The following CLIP4 variants were observed in gnomAD, a reference collection of about 807,000 sequenced individuals.
CLIP4 encodes the protein CAP-Gly domain-containing linker protein 4.
Under a neutral mutation model 73.1 loss-of-function variants are expected in CLIP4, and 47 were observed. The ratio of observed to expected loss-of-function variants is 0.64; its 90% CI spans 0.51 to 0.82. The LOEUF (loss-of-function observed/expected upper bound fraction) is 0.82, where lower values mean the gene tolerates loss of function less well. Ranked by LOEUF, CLIP4 falls within the 40% of genes least tolerant of loss-of-function variation. The probability of loss-of-function intolerance (pLI) is 0.00; values close to 1 mark genes in which losing one functional copy is unlikely to be tolerated. For missense variants in CLIP4, 874 were observed against 852.9 expected, an observed-to-expected ratio of 1.02 and a Z score of -0.31; for synonymous variants, 306 against 295.4, an observed-to-expected ratio of 1.04 and a Z score of -0.37.
intron 9 of CLIP4, among the ~76,000 whole-genome samples, chr2:29,154,426 C>T (rs1666785807): frequency 6.6e-6 from 1 of 152,150 alleles, no homozygotes; most frequent in Non-Finnish European, 1.5e-5. Flanking sequence ...CACCCGAAAC[C>T]CCAAGGAAGG....
chr2:29,152,589 T>A (rs1666645868), intron 8 of CLIP4, 96 bp from the exon 9 acceptor site: 1 of 1,316,432 alleles, frequency 7.6e-7, no homozygotes, highest in African/African-American at 1.5e-5. Flanking sequence ...GCACTAAAGG[T>A]TTATATTAAA....
At chr2:29,173,480 G>A (rs1291411544) in intron 14 of CLIP4, among the ~76,000 whole-genome samples, 1 of 152,144 alleles carries the variant, frequency 6.6e-6, no homozygotes, top group Admixed American at 6.5e-5. Flanking sequence ...CTCCTGTGCA[G>A]CCAGTAAGGT....
chr2:29,177,088 T>C (rs1405913517), intron 15 of CLIP4, among the ~76,000 whole-genome samples: 1 of 152,134 alleles, frequency 6.6e-6, no homozygotes, highest in Non-Finnish European at 1.5e-5. Flanking sequence ...TTCTCTAAAC[T>C]GTATGCTTTT....
chr2:29,145,769 C>T (rs1191841320), intron 8 of CLIP4, among the ~76,000 whole-genome samples: 2 of 152,202 alleles, frequency 1.3e-5, no homozygotes, highest in Non-Finnish European at 2.9e-5. Flanking sequence ...GCAACCTCTG[C>T]CTCCCAGGTT....
chr2:29,098,764 C>T (rs1667952138), intron 1 of CLIP4, among the ~76,000 whole-genome samples: 1 of 152,176 alleles, frequency 6.6e-6, no homozygotes, highest in Non-Finnish European at 1.5e-5. Context: ...TAAGACTATG[C>T]TTAGCTTTGT....
Position 29,133,649 on chromosome 2 carries a change from C to T in CLIP4, c.368-6C>T. 6.3e-7 allele frequency: 1 copy of T among 1,598,222 alleles called. No homozygotes were observed. Among genetic ancestry groups the T allele is most frequent in the Non-Finnish European group, 8.5e-7 (1 of 1,175,442 alleles). On this transcript the variant is annotated splice_polypyrimidine_tract_variant and splice_region_variant and intron_variant, in intron 4 of 15. Coordinates refer to ENST00000320081, the MANE Select transcript of CLIP4 (RefSeq NM_024692.6). The stretch of plus-strand genomic sequence containing the variant: ...AAAGGAAAGTAATTTAGAAAATCTT[C>T]TTTAGGTGATGTGGAAACAGCTGTA...
At chr2:29,156,937 A>C (rs1212643529) in intron 10 of CLIP4, among the ~76,000 whole-genome samples, 1 of 152,222 alleles carries the variant, frequency 6.6e-6, no homozygotes, top group African/African-American at 2.4e-5. Flanking sequence ...TTAGGTAGTC[A>C]GTTCACATCA....
At chr2:29,116,275 A>G (rs1455124593) in intron 1 of CLIP4, among the ~76,000 whole-genome samples, 1 of 152,174 alleles carries the variant, frequency 6.6e-6, no homozygotes, top group Non-Finnish European at 1.5e-5. Flanking sequence ...GCTTTGAATT[A>G]GATGTCAGGC....
intron 7 of CLIP4, among the ~76,000 whole-genome samples, chr2:29,144,600 G>A (rs1302071002): frequency 2.6e-5 from 4 of 151,444 alleles, no homozygotes; most frequent in Middle Eastern, 3.2e-3. Context: ...GGTTTGTTAC[G>A]TAGGCATACG....
At chr2:29,139,778 A>G (rs886800305) in intron 6 of CLIP4, among the ~76,000 whole-genome samples, 2 of 152,034 alleles carry the variant, frequency 1.3e-5, no homozygotes, top group Admixed American at 6.5e-5. Flanking sequence ...GTTTATGTGA[A>G]TAGAGGTATT....
rs757819996 is a variant in CLIP4 at position 29,163,819 on chromosome 2, T to C, written c.1535-12T>C. On this transcript the variant is annotated splice_polypyrimidine_tract_variant and intron_variant, in intron 12 of 15. Coordinates refer to ENST00000320081, the MANE Select transcript of CLIP4 (RefSeq NM_024692.6). ...GTACAGATGCTTTTGAAATGCAATA[T>C]TCATGTTCTAGGATATTGGTATGGT... 3 of 1,608,196 alleles carry C rather than the reference T, an allele frequency of 1.9e-6. No individual in the cohort carries two copies. The highest frequency in any genetic ancestry group is 2.5e-6 in the Non-Finnish European group (3 of 1,177,938).
At chr2:29,101,395 G>GT (rs1668045555) in intron 1 of CLIP4, among the ~76,000 whole-genome samples, 1 of 151,754 alleles carries the variant, frequency 6.6e-6, no homozygotes, top group African/African-American at 2.4e-5. Context: ...AATCACTGCT[G>GT]TAAGTCCAAC....
chr2:29,177,681 A>G (rs1043958760), intron 15 of CLIP4, among the ~76,000 whole-genome samples: 2 of 152,172 alleles, frequency 1.3e-5, no homozygotes, highest in Non-Finnish European at 2.9e-5. Flanking sequence ...TTTCCCCACT[A>G]ATGTGTCTTT....
At chr2:29,133,147 C>T (rs1418850171) in intron 4 of CLIP4, among the ~76,000 whole-genome samples, 1 of 152,126 alleles carries the variant, frequency 6.6e-6, no homozygotes, top group Non-Finnish European at 1.5e-5. Context: ...GTGATTGTAT[C>T]ACTACACTGC....
At chr2:29,164,214 G>A (rs1448217865) in intron 13 of CLIP4, among the ~76,000 whole-genome samples, 1 of 152,150 alleles carries the variant, frequency 6.6e-6, no homozygotes, top group Non-Finnish European at 1.5e-5. Context: ...AGTGGCGTTT[G>A]CAGCTAAGTA....
intron 3 of CLIP4, chr2:29,131,607 A>G: frequency 2.2e-6 from 1 of 453,484 alleles, no homozygotes; most frequent in Non-Finnish European, 3.7e-6. Flanking sequence ...TGACATTTGT[A>G]GACTCCTGGC....
intron 10 of CLIP4, 67 bp downstream of exon 10, chr2:29,156,510 A>G (rs1666934577): frequency 8.6e-7 from 1 of 1,166,460 alleles, no homozygotes; most frequent in Admixed American, 2.6e-5. Flanking sequence ...ATATGGTAGG[A>G]AAACAGTTTA....
rs543723860 is a variant in CLIP4, at chr2:29,119,458, G to A, written c.-15-1916G>A. Among the ~76,000 whole-genome samples the A allele has an allele frequency of 4.6e-5, 7 of 152,130 alleles. No homozygotes were observed. The South Asian group carries it at 6.2e-4, about 14-fold the overall frequency. The stretch of plus-strand genomic sequence containing the variant: ...AGTCATGTGGTGACTCCTCTTAACC[G>A]ACTCAGACAGATATCCACTGAATCT... On this transcript the variant is annotated intron_variant, in intron 1 of 15. Coordinates refer to ENST00000320081, the MANE Select transcript of CLIP4 (RefSeq NM_024692.6).
At chr2:29,118,908 G>A (rs889744409) in intron 1 of CLIP4, among the ~76,000 whole-genome samples, 2 of 152,144 alleles carry the variant, frequency 1.3e-5, no homozygotes, top group African/African-American at 4.8e-5. Context: ...TGGAATGAAA[G>A]TGTGTACTCA....
Sources: allele counts gnomAD v4.1 joint callset (sites outside exome capture counted in the v4.1 genomes callset), GRCh38; gene constraint gnomAD v4.1.1; transcripts MANE v1.5; gene names NCBI Gene and HGNC (gene_info 2026-07-23, HGNC 2026-07-21).